The following PALLD variants were observed in gnomAD, a reference collection of about 807,000 sequenced individuals.
PALLD encodes palladin, cytoskeletal associated protein, also known as palladin.
PALLD carries 61 observed loss-of-function variants against 123.5 expected under a neutral mutation model. The observed-to-expected ratio is 0.49, with a 90% CI of 0.40 to 0.61. The LOEUF (loss-of-function observed/expected upper bound fraction) is 0.61, where lower values mean the gene tolerates loss of function less well. Ranked by LOEUF, PALLD falls within the 20% of genes least tolerant of loss-of-function variation. PALLD has a pLI of 0.00. For missense variants in PALLD, 1,273 were observed against 1,377.0 expected (o/e 0.92, Z 1.20); for synonymous variants, 465 against 496.4 (o/e 0.94, Z 0.84).
chr4:168,556,634 C>G (rs996126417), intron 2 of PALLD, among the ~76,000 whole-genome samples: 1 of 152,202 alleles, frequency 6.6e-6, no homozygotes, highest in East Asian at 1.9e-4. Context: ...GACTCTTACC[C>G]TGTGTTATTT....
At chr4:168,870,008 G>A (rs1427711674) in intron 10 of PALLD, among the ~76,000 whole-genome samples, 1 of 152,176 alleles carries the variant, frequency 6.6e-6, no homozygotes, top group Non-Finnish European at 1.5e-5. Context: ...AAGATGGAGT[G>A]GGTGAGCCCA....
intron 2 of PALLD, among the ~76,000 whole-genome samples, chr4:168,533,872 A>G (rs1372037100): frequency 6.6e-6 from 1 of 152,200 alleles, no homozygotes; most frequent in Non-Finnish European, 1.5e-5. Flanking sequence ...ATTTTCTCCA[A>G]AAAGGAGAAG....
At chr4:168,743,812 T>G (rs752609834) in intron 10 of PALLD, among the ~76,000 whole-genome samples, 1 of 152,150 alleles carries the variant, frequency 6.6e-6, no homozygotes, top group Non-Finnish European at 1.5e-5. Context: ...TTTGCAATCT[T>G]TTAAAAACAT....
rs766076287 is a variant in PALLD at position 168,511,918 on chromosome 4, A to T, written c.414A>T (p.Arg138=). ...GGCCCAGCTACATCCGGAGCCTCCG[A>T]AAGGCTGAAAAGCGTGGTGCAAAAA... ...LTRPSYIRSL[R]KAEKRGAKTP... Residue 138 remains arginine (R), a synonymous_variant, in exon 2 of 22, where the codon CGA becomes CGT. Coordinates refer to ENST00000505667, the MANE Select transcript of PALLD (RefSeq NM_001166108.2). 6.2e-7 allele frequency: 1 copy of T among 1,614,214 alleles called. No homozygotes were observed. The highest frequency in any genetic ancestry group is 8.5e-7 in the Non-Finnish European group (1 of 1,180,032).
intron 10 of PALLD, among the ~76,000 whole-genome samples, chr4:168,884,775 C>T (rs1753106826): frequency 6.6e-6 from 1 of 152,122 alleles, no homozygotes. Context: ...AACTCCTTCC[C>T]CTCTTCCATT....
chr4:168,920,067 A>C lies in PALLD; in HGVS notation c.2851-1467A>C, dbSNP rs1761126335. ...GGATCTAACCTGGTAAAGTAGGAAC[A>C]AGCAGTGCCGCTTTGTTTCTAGATG... On this transcript the variant is annotated intron_variant, in intron 17 of 21. Coordinates refer to ENST00000505667, the MANE Select transcript of PALLD (RefSeq NM_001166108.2). Among the ~76,000 whole-genome samples, 3 of 152,282 alleles carry C rather than the reference A, an allele frequency of 2.0e-5. No homozygotes were observed. The South Asian group carries it at 6.2e-4, about 32-fold the overall frequency.
intron 10 of PALLD, among the ~76,000 whole-genome samples, chr4:168,755,116 T>C (rs13129921): frequency 0.43 from 65,237 of 151,208 alleles, 14,164 homozygotes; most frequent in Non-Finnish European, 0.46. Flanking sequence ...GCCTGTAGTC[T>C]CAGCTACTTG....
At position 168,891,022 on chromosome 4, in the gene PALLD, C is replaced by T. The variant is rs1329675171; in HGVS notation, c.2065C>T (p.Arg689Cys). ...TATTCAAGACCTGGAACGAAAACTT[C>T]GCTTCAAGGAGGACCTCCTGAACAA... ...AVIQDLERKL[R>C]FKEDLLNNGQ... The change falls in exon 11 of 22, where the codon CGC becomes TGC. Residue 689 changes from arginine (R) to cysteine (C), a missense_variant. Transcript: ENST00000505667. 7 of 1,614,118 alleles carry T rather than the reference C, an allele frequency of 4.3e-6. No homozygotes were observed. Among genetic ancestry groups the T allele is most frequent in the East Asian group, 4.5e-5 (2 of 44,886 alleles).
chr4:168,889,556 A>C (rs1201678477), intron 10 of PALLD, among the ~76,000 whole-genome samples: 2 of 152,132 alleles, frequency 1.3e-5, no homozygotes, highest in Non-Finnish European at 2.9e-5. Context: ...ACCTCAATAA[A>C]ATGAAATTCT....
chr4:168,893,287 T>C (rs535387792), intron 11 of PALLD, among the ~76,000 whole-genome samples: 1 of 152,288 alleles, frequency 6.6e-6, no homozygotes, highest in Admixed American at 6.5e-5. Context: ...GTGAGAAAAT[T>C]AATTTAATAA....
At chr4:168,535,072 T>C (rs1442183832) in intron 2 of PALLD, among the ~76,000 whole-genome samples, 1 of 152,182 alleles carries the variant, frequency 6.6e-6, no homozygotes, top group East Asian at 1.9e-4. Flanking sequence ...TTAGGTATTA[T>C]GAGTAATCTA....
In PALLD at chr4:168,878,683, G is replaced by T. The variant is rs77100808; in HGVS notation, c.1965-12239G>T. Among the ~76,000 whole-genome samples, 3,729 of 27,316 alleles carry T rather than the reference G, an allele frequency of 0.14. 115 individuals carry two copies. The highest frequency in any genetic ancestry group is 0.26 in the East Asian group (213 of 806). 17.9% of individuals were successfully genotyped at this position (27,316 alleles called of 152,430 possible). A position where few individuals can be genotyped will look rare whatever the true frequency, so the allele number is the denominator to read the frequency against. ...TGCAGTGCCCTCTCTTAATCATTAT[G>T]GGGGGGGGGGTGCTTAGCTATCATT... On this transcript the variant is annotated intron_variant, in intron 10 of 21. Coordinates refer to ENST00000505667, the MANE Select transcript of PALLD (RefSeq NM_001166108.2).
intron 10 of PALLD, among the ~76,000 whole-genome samples, chr4:168,806,283 C>G (rs141256693): frequency 0.021 from 3,174 of 152,268 alleles, 118 homozygotes; most frequent in African/African-American, 0.07. Context: ...AGGCTGGTCT[C>G]AAACTCCTGA....
Position 168,926,235 on chromosome 4 carries a change from G to C in PALLD, c.*55G>C. 2.6e-6 allele frequency: 4 copies of C among 1,535,452 alleles called. No individual in the cohort carries two copies. Among genetic ancestry groups the C allele is most frequent in the South Asian group, 1.2e-5 (1 of 83,764 alleles). On this transcript the variant is annotated 3_prime_UTR_variant, in exon 22 of 22. Coordinates refer to ENST00000505667, the MANE Select transcript of PALLD (RefSeq NM_001166108.2). ...TAGCCCAGTGGCATCAGCAGTCACA[G>C]AGCACCAAGCCAAAAAAAGTACGGC...
chr4:168,793,973 G>T (rs1248765096), intron 10 of PALLD, among the ~76,000 whole-genome samples: 1 of 152,198 alleles, frequency 6.6e-6, no homozygotes, highest in Non-Finnish European at 1.5e-5. Context: ...GTTCTGCCTA[G>T]GGTATCCACC....
At chr4:168,631,872 G>T in intron 2 of PALLD, 1 of 985,504 alleles carries the variant, frequency 1.0e-6, no homozygotes, top group Non-Finnish European at 1.2e-6. Flanking sequence ...GTTTGGGAGT[G>T]GGGGCAGACG....
At chr4:168,512,895 G>A (rs187171738) in intron 2 of PALLD, among the ~76,000 whole-genome samples, 18 of 152,052 alleles carry the variant, frequency 1.2e-4, no homozygotes, top group Middle Eastern at 6.8e-3. Context: ...AATAAACACC[G>A]AGGCCTACTT....
intron 10 of PALLD, among the ~76,000 whole-genome samples, chr4:168,779,521 A>T (rs1735606866): frequency 6.6e-6 from 1 of 151,128 alleles, no homozygotes; most frequent in Admixed American, 6.6e-5. Flanking sequence ...ATAAAATATC[A>T]TATATATACA....
At chr4:168,758,433 G>T (rs553981080) in intron 10 of PALLD, among the ~76,000 whole-genome samples, 1 of 152,088 alleles carries the variant, frequency 6.6e-6, no homozygotes, top group Non-Finnish European at 1.5e-5. Flanking sequence ...GGCCCTCCAC[G>T]TCAGGCAGCC....
Sources: allele counts gnomAD v4.1 joint callset (sites outside exome capture counted in the v4.1 genomes callset), GRCh38; gene constraint gnomAD v4.1.1; transcripts MANE v1.5; gene names NCBI Gene and HGNC (gene_info 2026-07-23, HGNC 2026-07-21).